Variants in HACL2 observed in about 807,000 individuals in gnomAD.
HACL2 encodes the protein 2-hydroxyacyl-CoA lyase 1 like.
chr19:15,115,539 C>T, the HACL2 span: 4 of 1,606,016 alleles, frequency 2.5e-6, no homozygotes, highest in Admixed American at 1.7e-5. Context: ...GCCTCCTGTC[C>T]TCCCAACCTC....
the HACL2 span, chr19:15,123,228 G>C: frequency 6.2e-7 from 1 of 1,613,604 alleles, no homozygotes; most frequent in East Asian, 2.2e-5. The surrounding 1 kb of genome is among the most constrained non-coding windows in gnomAD (Gnocchi z 5.1). Context: ...TGTCACTGCC[G>C]CCACGCCCAC....
At chr19:15,119,409 G>A in the HACL2 span, 57 of 1,613,830 alleles carry the variant, frequency 3.5e-5, no homozygotes, top group African/African-American at 1.1e-4. Context: ...CAGGGCTGGC[G>A]CTTCTCACCG....
chr19:15,123,101 C>G, the HACL2 span: 1 of 1,613,230 alleles, frequency 6.2e-7, no homozygotes, highest in Non-Finnish European at 8.5e-7. The surrounding 1 kb of genome is among the most constrained non-coding windows in gnomAD (Gnocchi z 5.1). Context: ...CCACTGGCCC[C>G]CAAGGACTGG....
the HACL2 span, chr19:15,115,326 G>A: frequency 1.9e-6 from 3 of 1,614,094 alleles, no homozygotes; most frequent in Admixed American, 1.7e-5. Flanking sequence ...TGGCCGTCTC[G>A]GCACTGCTGC....
chr19:15,124,127 A>G, the HACL2 span: 2 of 159,392 alleles, frequency 1.3e-5, no homozygotes, highest in Non-Finnish European at 2.8e-5. Context: ...CTGGCACGGG[A>G]GTGAGCTGCT....
the HACL2 span, chr19:15,122,634 G>A: frequency 7.0e-7 from 1 of 1,421,498 alleles, no homozygotes; most frequent in South Asian, 1.2e-5. This position sits in a 1 kb window ranked among gnomAD's most constrained non-coding sequence, Gnocchi z 4.0. Context: ...GGTGTGGGCT[G>A]GAAGCTGCAG....
chr19:15,121,584 G>A, the HACL2 span, among the ~76,000 whole-genome samples: 1 of 151,886 alleles, frequency 6.6e-6, no homozygotes, highest in East Asian at 2.0e-4. Flanking sequence ...CGAGGAGGGT[G>A]GATCACTTGA....
the HACL2 span, among the ~76,000 whole-genome samples, chr19:15,121,799 G>A: frequency 8.7e-3 from 1,116 of 127,942 alleles, 15 homozygotes; most frequent in African/African-American, 0.032. Context: ...GCAACAGAAC[G>A]AAGAATCTGT....
the HACL2 span, among the ~76,000 whole-genome samples, chr19:15,121,707 G>A: frequency 0.014 from 2,072 of 151,362 alleles, 53 homozygotes; most frequent in African/African-American, 0.047. Flanking sequence ...TACTCAGAAG[G>A]CTGAGGCAGG....
At chr19:15,122,674 C>A in the HACL2 span, 7 of 1,597,904 alleles carry the variant, frequency 4.4e-6, no homozygotes, top group Admixed American at 3.3e-5. This position sits in a 1 kb window ranked among gnomAD's most constrained non-coding sequence, Gnocchi z 4.0. Flanking sequence ...GAGGGAATGG[C>A]AGGGGTGGGG....
At chr19:15,116,813 C>T in the HACL2 span, 1 of 424,350 alleles carries the variant, frequency 2.4e-6, no homozygotes, top group African/African-American at 2.0e-5. Flanking sequence ...CTCCTTCTGC[C>T]TGGGAAACAC....
At chr19:15,115,743 G>A in the HACL2 span, 1 of 1,571,956 alleles carries the variant, frequency 6.4e-7, no homozygotes, top group Non-Finnish European at 8.8e-7. Context: ...ACAGAGACAG[G>A]GATAGGGCCT....
chr19:15,116,166 C>T, the HACL2 span: 111 of 1,613,454 alleles, frequency 6.9e-5, no homozygotes, highest in African/African-American at 6.3e-4. Flanking sequence ...ATCGAGCCAG[C>T]GCAGGGGGCC....
the HACL2 span, chr19:15,117,860 C>A: frequency 6.2e-7 from 1 of 1,613,392 alleles, no homozygotes; most frequent in South Asian, 1.1e-5. Flanking sequence ...CATATGTGTA[C>A]GGGGGGATTA....
the HACL2 span, chr19:15,116,987 G>C: frequency 0.67 from 117,242 of 174,114 alleles, 39,855 homozygotes; most frequent in African/African-American, 0.71. Context: ...GTGAGGCTCT[G>C]CCGCTGTTCA....
the HACL2 span, among the ~76,000 whole-genome samples, chr19:15,121,446 A>G: frequency 6.6e-6 from 1 of 152,106 alleles, no homozygotes; most frequent in Non-Finnish European, 1.5e-5. Context: ...GGACAGGCAA[A>G]GGGAAGGGAC....
chr19:15,119,823 T>G, the HACL2 span, among the ~76,000 whole-genome samples: 1 of 152,062 alleles, frequency 6.6e-6, no homozygotes, highest in African/African-American at 2.4e-5. Flanking sequence ...AGTGTTGGGA[T>G]TGCTGCTGTG....
the HACL2 span, chr19:15,115,809 G>T: frequency 6.2e-7 from 1 of 1,600,730 alleles, no homozygotes; most frequent in South Asian, 1.1e-5. Context: ...ACATCTCCCA[G>T]AACCCCAGGC....
At chr19:15,120,018 C>A in the HACL2 span, 1 of 1,550,258 alleles carries the variant, frequency 6.5e-7, no homozygotes. Flanking sequence ...CCAGGGGCAG[C>A]GGTCCCTCGG....
Sources: gnomAD v4.1 joint callset for allele counts (sites outside exome capture counted in the v4.1 genomes callset) on GRCh38, gnomAD v4.1.1 for gene constraint, Gnocchi (gnomAD v3.1) non-coding constraint, MANE v1.5 for transcripts, NCBI Gene and HGNC (gene_info 2026-07-23, HGNC 2026-07-21) for gene names.